INPP5D: variants seen among roughly 807,000 people sequenced by gnomAD.
INPP5D encodes the protein inositol polyphosphate-5-phosphatase D, also known as phosphatidylinositol 3,4,5-trisphosphate 5-phosphatase 1.
Under a neutral mutation model 122.9 loss-of-function variants are expected in INPP5D, and 33 were observed. That is an observed-to-expected ratio of 0.27 (90% CI 0.20 to 0.36). The LOEUF is 0.36. Among genes scored for constraint, INPP5D ranks in the 10% least tolerant of loss-of-function variants. The pLI is 1.00. For missense variants in INPP5D, 1,053 were observed against 1,412.7 expected (o/e 0.75, Z 4.08); for synonymous variants, 584 against 576.2 (o/e 1.01, Z -0.19).
At chr2:233,131,218 TTGA>T in intron 5 of INPP5D, 1 of 651,002 alleles carries the variant, frequency 1.5e-6, no homozygotes, top group Non-Finnish European at 1.9e-6. Flanking sequence ...TAAAATTTAA[TTGA>T]TGAAAGTTAA....
chr2:233,068,418 C>A (rs939116976), intron 1 of INPP5D, among the ~76,000 whole-genome samples: 1 of 151,514 alleles, frequency 6.6e-6, no homozygotes, highest in Non-Finnish European at 1.5e-5. Flanking sequence ...CACAGTGAAA[C>A]CCTGTCTCTA....
chr2:233,080,865 T>C (rs1691667491), intron 2 of INPP5D, among the ~76,000 whole-genome samples: 1 of 152,088 alleles, frequency 6.6e-6, no homozygotes, highest in Admixed American at 6.5e-5. Flanking sequence ...CGAGGAGCGA[T>C]GTGATTGAGA....
chr2:233,126,428 G>A (rs1268479171), intron 4 of INPP5D, among the ~76,000 whole-genome samples: 2 of 152,056 alleles, frequency 1.3e-5, no homozygotes, highest in African/African-American at 2.4e-5. Flanking sequence ...GGACACATAC[G>A]CCACCGGGTT....
intron 3 of INPP5D, 141 bp from the exon 4 acceptor site, chr2:233,125,604 G>T: frequency 1.3e-6 from 1 of 745,996 alleles, no homozygotes; most frequent in Non-Finnish European, 2.2e-6. Context: ...TCTCCCTCCA[G>T]GAGGGAGTCA....
At chr2:233,102,869 C>CA (rs1041744645) in intron 2 of INPP5D, among the ~76,000 whole-genome samples, 1 of 145,902 alleles carries the variant, frequency 6.9e-6, no homozygotes, top group African/African-American at 2.6e-5. Flanking sequence ...AAAAAACAAC[C>CA]AAAAAACCAC....
At position 233,188,572 on chromosome 2, in the gene INPP5D, T is replaced by A. The variant is rs1290427512; in HGVS notation, c.2359-1278T>A. 1.3e-5 allele frequency among the ~76,000 whole-genome samples: 2 copies of A among 151,992 alleles called. No homozygotes were observed. Among genetic ancestry groups the A allele is most frequent in the East Asian group, 3.9e-4 (2 of 5,186 alleles). ...AGTTTCCAGTCATCTGTTCTGGAAC[T>A]TTTTTTTGAGACTGAGTCTTGTTCT... On this transcript the variant is annotated intron_variant, in intron 21 of 26. Transcript: ENST00000445964. The surrounding 1 kb of genome is among the most constrained non-coding windows in gnomAD (Gnocchi z 4.7).
intron 1 of INPP5D, among the ~76,000 whole-genome samples, chr2:233,071,526 A>G (rs562136299): frequency 5.3e-5 from 8 of 152,138 alleles, no homozygotes; most frequent in South Asian, 2.1e-4. Flanking sequence ...GGTGATTTTC[A>G]TATCTATTCT....
chr2:233,102,488 A>T (rs948702681), intron 2 of INPP5D, among the ~76,000 whole-genome samples: 4 of 152,336 alleles, frequency 2.6e-5, no homozygotes, highest in Middle Eastern at 3.4e-3. Flanking sequence ...ATGTTTTGGC[A>T]ATTAATTCAG....
At chr2:233,097,906 A>G (rs1310644540) in intron 2 of INPP5D, among the ~76,000 whole-genome samples, 1 of 146,268 alleles carries the variant, frequency 6.8e-6, no homozygotes. Flanking sequence ...TTTTTTTTTG[A>G]GACAGAGTCT....
chr2:233,148,325 A>G (rs1218588965), intron 9 of INPP5D, among the ~76,000 whole-genome samples: 1 of 152,282 alleles, frequency 6.6e-6, no homozygotes, highest in African/African-American at 2.4e-5. Context: ...AGCGCTACAA[A>G]GAAAACAAAA....
Position 233,189,757 on chromosome 2 carries a change from C to T in INPP5D, c.2359-93C>T, listed in dbSNP as rs1319466963. ...GAGATTTAGATCTGATTACTAAGAA[C>T]ACCTTTCGTCATCTTCATCCACTTG... On this transcript the variant is annotated intron_variant, in intron 21 of 26. Coordinates refer to ENST00000445964, the MANE Select transcript of INPP5D (RefSeq NM_001017915.3). This position sits in a 1 kb window ranked among gnomAD's most constrained non-coding sequence, Gnocchi z 5.6. 8.5e-6 allele frequency: 13 copies of T among 1,536,132 alleles called. No individual in the cohort carries two copies. Among genetic ancestry groups the T allele is most frequent in the South Asian group, 2.5e-5 (2 of 80,294 alleles).
chr2:233,129,208 A>C (rs761994440), intron 4 of INPP5D, among the ~76,000 whole-genome samples: 17 of 152,094 alleles, frequency 1.1e-4, no homozygotes, highest in Non-Finnish European at 2.1e-4. Flanking sequence ...GCTTGTAATA[A>C]TTTTTTCCAC....
At chr2:233,190,329 C>T (rs1442446621) in intron 22 of INPP5D, among the ~76,000 whole-genome samples, 1 of 152,210 alleles carries the variant, frequency 6.6e-6, no homozygotes, top group African/African-American at 2.4e-5. Context: ...CCCAGGCCTG[C>T]CTGCCCTTCT....
rs139208897 is a variant in INPP5D, at chr2:233,078,512, T to C, written c.135-823T>C. ...ATAGTGTCCAAGAGGATGAAGCCAT[T>C]TGGGGGTGGCAGGGAGCTCAGCGGG... On this transcript the variant is annotated intron_variant, in intron 1 of 26. Transcript: ENST00000445964. This position sits in a 1 kb window ranked among gnomAD's most constrained non-coding sequence, Gnocchi z 4.6. 2.4e-4 allele frequency among the ~76,000 whole-genome samples: 36 copies of C among 152,214 alleles called. No homozygotes were observed. The East Asian group carries it at 5.4e-3, about 23-fold the overall frequency.
chr2:233,063,795 G>C (rs55927843), intron 1 of INPP5D, among the ~76,000 whole-genome samples: 12 of 152,212 alleles, frequency 7.9e-5, no homozygotes, highest in Non-Finnish European at 1.8e-4. Flanking sequence ...TCAGCCAGGG[G>C]CTCTTCTAAG....
intron 2 of INPP5D, among the ~76,000 whole-genome samples, chr2:233,090,139 C>A (rs1691953996): frequency 6.6e-6 from 1 of 152,216 alleles, no homozygotes; most frequent in Admixed American, 6.5e-5. Context: ...TCGCCATCCC[C>A]TGAATGAAAG....
At chr2:233,169,871 A>G (rs890909997) in intron 14 of INPP5D, 155 bp from the exon 15 acceptor site, 18 of 1,408,032 alleles carry the variant, frequency 1.3e-5, no homozygotes, top group Middle Eastern at 2.2e-4. Context: ...TTTGCACACT[A>G]AGGAGTTCTG....
intron 2 of INPP5D, among the ~76,000 whole-genome samples, chr2:233,090,052 A>C (rs1279401636): frequency 6.6e-6 from 1 of 152,182 alleles, no homozygotes; most frequent in Non-Finnish European, 1.5e-5. Flanking sequence ...TGTCTCCCCC[A>C]GTGAGCTGTG....
chr2:233,179,717 T>C (rs1694736071), intron 18 of INPP5D, among the ~76,000 whole-genome samples: 1 of 152,074 alleles, frequency 6.6e-6, no homozygotes, highest in African/African-American at 2.4e-5. Flanking sequence ...GAGGGCTCAG[T>C]AGAAGCGTTT....
Sources: gnomAD v4.1 joint callset for allele counts (sites outside exome capture counted in the v4.1 genomes callset) on GRCh38, gnomAD v4.1.1 for gene constraint, Gnocchi (gnomAD v3.1) non-coding constraint, MANE v1.5 for transcripts, NCBI Gene and HGNC (gene_info 2026-07-23, HGNC 2026-07-21) for gene names.